Variants in ZNF582 observed in about 807,000 individuals in gnomAD.
ZNF582 encodes zinc finger protein 582.
Under a neutral mutation model 12.3 loss-of-function variants are expected in ZNF582, and 14 were observed. The ratio of observed to expected loss-of-function variants is 1.14; its 90% CI spans 0.75 to 1.78. The LOEUF is 1.78. Among genes scored for constraint, ZNF582 ranks in the 40% most tolerant of loss-of-function variants. The pLI is 0.00. For missense variants in ZNF582, 567 were observed against 616.5 expected (o/e 0.92, Z 0.85); for synonymous variants, 210 against 207.2 (o/e 1.01, Z -0.11).
intron 3 of ZNF582, 111 bp downstream of exon 3, chr19:56,390,264 T>C: frequency 6.5e-7 from 1 of 1,541,840 alleles, no homozygotes; most frequent in Non-Finnish European, 8.9e-7. Context: ...CGCCGCCCTT[T>C]AACCCCTCAA....
intron 3 of ZNF582, 60 bp downstream of exon 3, chr19:56,390,315 C>A (rs2042004564): frequency 6.2e-7 from 1 of 1,609,164 alleles, no homozygotes; most frequent in Non-Finnish European, 8.5e-7. Flanking sequence ...CACCCAAAAA[C>A]TGACCAGGAA....
chr19:56,384,731 C>T (rs1438231230), exon 5 of ZNF582: 1 of 1,610,058 alleles, frequency 6.2e-7, no homozygotes, highest in Admixed American at 1.7e-5. Context: ...ACATTCCTTA[C>T]ATTCATATGG....
At chr19:56,385,221 T>C (rs780688088) in intron 4 of ZNF582, 37 bp from the exon 5 acceptor site, 3 of 1,527,334 alleles carry the variant, frequency 2.0e-6, no homozygotes, top group South Asian at 2.6e-5. Flanking sequence ...TTGGCTTCTT[T>C]TTTTTTCCAG....
chr19:56,383,092 A>T (rs1387638837), exon 5 of ZNF582: 1 of 152,216 alleles, frequency 6.6e-6, no homozygotes, highest in Non-Finnish European at 1.5e-5. Context: ...TTAGCATCTG[A>T]TATTCTCAGA....
chr19:56,384,185 GT>G lies in ZNF582; in HGVS notation c.1231del (p.Thr411LeufsTer28). On this transcript the variant is annotated frameshift_variant, in exon 5 of 5. Transcript: ENST00000586929. LOFTEE classifies it low-confidence loss of function (END_TRUNC). ...ACCTGTATGAATTCTGTAATGTACA[GT>G]AAGATGTGAGACCCGTTTGAAGGCC... 1 of 1,608,218 alleles carries G rather than the reference GT, an allele frequency of 6.2e-7. No individual in the cohort carries two copies. Among genetic ancestry groups the G allele is most frequent in the Non-Finnish European group, 8.5e-7 (1 of 1,177,758 alleles).
chr19:56,384,952 A>C, exon 5 of ZNF582: 1 of 1,614,162 alleles, frequency 6.2e-7, no homozygotes, highest in South Asian at 1.1e-5. Flanking sequence ...TAAGGGATGC[A>C]TGCTGGTCAA....
chr19:56,392,167 A>G (rs1219543626), intron 1 of ZNF582, among the ~76,000 whole-genome samples: 1 of 152,236 alleles, frequency 6.6e-6, no homozygotes, highest in African/African-American at 2.4e-5. Flanking sequence ...GCCAGGGAGC[A>G]TAGAAGGCCT....
chr19:56,389,456 A>G (rs566984362), intron 4 of ZNF582, among the ~76,000 whole-genome samples: 11 of 152,300 alleles, frequency 7.2e-5, no homozygotes, highest in Admixed American at 3.9e-4. Flanking sequence ...GTTCTCACTT[A>G]TAAGTGGGAG....
Position 56,390,487 on chromosome 19 carries a change from GA to G in ZNF582, c.23del (p.Phe8SerfsTer6). ...GGGAGAAGACTATGGCCACATCCCT[GA>G]ACAATTCTGACCCCTGGAATGACAG... is the stretch of plus-strand genomic sequence containing the variant. On this transcript the variant is annotated frameshift_variant, in exon 3 of 5. Coordinates refer to ENST00000586929, the Ensembl canonical transcript of ZNF582. LOFTEE classifies it high-confidence loss of function. 1.2e-6 allele frequency: 2 copies of G among 1,613,972 alleles called. No homozygotes were observed. The highest frequency in any genetic ancestry group is 1.6e-4 in the Middle Eastern group (1 of 6,062).
chr19:56,387,245 T>C (rs1274401043), intron 4 of ZNF582, among the ~76,000 whole-genome samples: 1 of 152,206 alleles, frequency 6.6e-6, no homozygotes, highest in East Asian at 1.9e-4. Flanking sequence ...TATAAAAACA[T>C]TGGTCATTTA....
exon 5 of ZNF582, chr19:56,384,880 G>A: frequency 6.2e-7 from 1 of 1,612,070 alleles, no homozygotes; most frequent in Non-Finnish European, 8.5e-7. Flanking sequence ...TTTGCCAGAA[G>A]TCTTTTCTAC....
chr19:56,391,339 C>T (rs750781723), intron 2 of ZNF582, among the ~76,000 whole-genome samples: 5 of 152,226 alleles, frequency 3.3e-5, no homozygotes, highest in Non-Finnish European at 5.9e-5. Flanking sequence ...CCCAGCCAAA[C>T]CTCAATTACA....
intron 1 of ZNF582, among the ~76,000 whole-genome samples, chr19:56,392,301 A>G (rs976705395): frequency 2.0e-4 from 31 of 152,224 alleles, no homozygotes; most frequent in African/African-American, 7.2e-4. Context: ...CGCCAAATAT[A>G]CAAAAAGCTC....
At chr19:56,384,909 G>C in exon 5 of ZNF582, 1 of 1,613,970 alleles carries the variant, frequency 6.2e-7, no homozygotes, top group Non-Finnish European at 8.5e-7. Context: ...TACCCAAAAG[G>C]TTTTTCTCTA....
chr19:56,390,270 C>T (rs1568787743), intron 3 of ZNF582, 105 bp downstream of exon 3: 1 of 1,567,268 alleles, frequency 6.4e-7, no homozygotes, highest in Non-Finnish European at 8.7e-7. Flanking sequence ...CCTTTAACCC[C>T]TCAAAAATGA....
chr19:56,385,208 T>C, intron 4 of ZNF582, 24 bp from the exon 5 acceptor site: 8 of 1,542,800 alleles, frequency 5.2e-6, no homozygotes, highest in Non-Finnish European at 6.9e-6. Flanking sequence ...AAAGCGAATA[T>C]GTTTGGCTTC....
rs113913559 is a variant in ZNF582 at position 56,393,319 on chromosome 19, G to C, written c.-180C>G. ...CGGCGGGAAATGTAGTCTCACGCCG[G>C]TAAAGCCACAGAGCGACGATGAGGC... is the stretch of plus-strand genomic sequence containing the variant. On this transcript the variant is annotated 5_prime_UTR_variant, in exon 1 of 5. Coordinates refer to ENST00000586929, the Ensembl canonical transcript of ZNF582. 4 of 1,186,418 alleles carry C rather than the reference G, an allele frequency of 3.4e-6. No homozygotes were observed. The African/African-American group carries it at 6.4e-5, about 19-fold the overall frequency. The allele number at this position is 1,186,418 out of a possible 1,614,324, so 73.5% of individuals were successfully genotyped here.
exon 1 of ZNF582, chr19:56,393,252 G>A (rs1176158221): frequency 8.0e-7 from 1 of 1,247,404 alleles, no homozygotes; most frequent in Non-Finnish European, 1.0e-6. Flanking sequence ...CTATGAGGCT[G>A]GAAGCAGAAA....
At chr19:56,389,354 G>C (rs887249833) in intron 4 of ZNF582, among the ~76,000 whole-genome samples, 2 of 152,152 alleles carry the variant, frequency 1.3e-5, no homozygotes, top group South Asian at 4.1e-4. Flanking sequence ...ATGGTCAAAG[G>C]ACAAGATCAT....
Sources: gnomAD v4.1 joint callset for allele counts (sites outside exome capture counted in the v4.1 genomes callset) on GRCh38, gnomAD v4.1.1 for gene constraint, MANE v1.5 for transcripts, NCBI Gene and HGNC (gene_info 2026-07-23, HGNC 2026-07-21) for gene names.